TENM2: variants seen among roughly 807,000 people sequenced by gnomAD.
TENM2 encodes the protein teneurin transmembrane protein 2, also known as teneurin-2.
TENM2 carries 52 observed loss-of-function variants against 245.2 expected under a neutral mutation model. The ratio of observed to expected loss-of-function variants is 0.21; its 90% confidence interval spans 0.17 to 0.27. The LOEUF is 0.27. Among genes scored for constraint, TENM2 ranks in the 10% least tolerant of loss-of-function variants. The probability of loss-of-function intolerance (pLI) is 1.00; values close to 1 mark genes in which losing one functional copy is unlikely to be tolerated. For synonymous variants in TENM2, 1,363 were observed against 1,438.9 expected (o/e 0.95, Z 1.19); for missense variants, 3,046 against 3,666.8 (o/e 0.83, Z 4.37).
chr5:167,592,458 C>A (rs2127709330), intron 2 of TENM2, among the ~76,000 whole-genome samples: 1 of 152,270 alleles, frequency 6.6e-6, no homozygotes, highest in South Asian at 2.1e-4. Context: ...TTATAGGATG[C>A]AACTTAAGAG....
At chr5:167,316,160 C>A (rs571822620) in intron 1 of TENM2, among the ~76,000 whole-genome samples, 2 of 152,270 alleles carry the variant, frequency 1.3e-5, no homozygotes, top group African/African-American at 4.8e-5. Context: ...TTTATTTACT[C>A]ATCTATATAC....
the TENM2 span, among the ~76,000 whole-genome samples, chr5:167,042,325 A>C: frequency 1.3e-5 from 2 of 152,148 alleles, no homozygotes; most frequent in Non-Finnish European, 2.9e-5. Flanking sequence ...CTCATTTGCA[A>C]CCAAAAGGAG....
chr5:167,275,081 G>A, the TENM2 span, among the ~76,000 whole-genome samples: 3 of 151,770 alleles, frequency 2.0e-5, no homozygotes, highest in African/African-American at 7.2e-5. Flanking sequence ...CTTTTTCCCT[G>A]TGGGTGTTCA....
chr5:168,257,037 T>C (rs959362065), intron 27 of TENM2, among the ~76,000 whole-genome samples: 2 of 152,176 alleles, frequency 1.3e-5, no homozygotes, highest in Non-Finnish European at 2.9e-5. Flanking sequence ...ATTCATTCTA[T>C]AGATACTTAC....
the TENM2 span, among the ~76,000 whole-genome samples, chr5:167,010,985 C>G: frequency 6.6e-6 from 1 of 151,970 alleles, no homozygotes. Flanking sequence ...TTTATAGATG[C>G]AAAGGAAAAA....
chr5:167,228,623 T>G, the TENM2 span, among the ~76,000 whole-genome samples: 2 of 145,996 alleles, frequency 1.4e-5, no homozygotes, highest in African/African-American at 5.3e-5. Context: ...CTCTTAGAGG[T>G]GCAATATTTC....
chr5:168,091,516 G>C (rs1004416661), intron 8 of TENM2, among the ~76,000 whole-genome samples: 1 of 152,168 alleles, frequency 6.6e-6, no homozygotes, highest in Non-Finnish European at 1.5e-5. Flanking sequence ...AACAAGCAAA[G>C]AAGCTGCAGA....
At chr5:167,571,507 C>T (rs551910279) in intron 2 of TENM2, among the ~76,000 whole-genome samples, 3 of 152,046 alleles carry the variant, frequency 2.0e-5, no homozygotes, top group South Asian at 4.2e-4. Flanking sequence ...TCACCTAGCC[C>T]CCCACCCTAC....
intron 2 of TENM2, among the ~76,000 whole-genome samples, chr5:167,813,597 A>G (rs1307267826): frequency 6.6e-6 from 1 of 152,102 alleles, no homozygotes; most frequent in Non-Finnish European, 1.5e-5. Flanking sequence ...TACAAAGCAA[A>G]CATTGCATTG....
At chr5:168,124,268 GGTGTGT>G (rs1238469498) in intron 10 of TENM2, among the ~76,000 whole-genome samples, 1 of 152,112 alleles carries the variant, frequency 6.6e-6, no homozygotes, top group Non-Finnish European at 1.5e-5. Context: ...TCCTTCAGTG[GGTGTGT>G]GCTCAGAGAA....
At chr5:168,115,359 G>GGGAA (rs55973990) in intron 9 of TENM2, among the ~76,000 whole-genome samples, 8,004 of 71,486 alleles carry the variant, frequency 0.11, 565 homozygotes, top group Admixed American at 0.17. Flanking sequence ...AGGGAAGGAA[G>GGGAA]GGAAGGAAGG....
chr5:167,170,582 C>T, the TENM2 span, among the ~76,000 whole-genome samples: 620 of 152,278 alleles, frequency 4.1e-3, 5 homozygotes, highest in African/African-American at 0.014. Flanking sequence ...TTCTATATGA[C>T]ACTCTCATTG....
chr5:167,613,286 A>G (rs574144430), intron 2 of TENM2, among the ~76,000 whole-genome samples: 9 of 152,164 alleles, frequency 5.9e-5, no homozygotes, highest in Non-Finnish European at 1.2e-4. Context: ...TGGGGTTACT[A>G]TGAGGATAAT....
the TENM2 span, among the ~76,000 whole-genome samples, chr5:167,278,429 G>A: frequency 6.6e-6 from 1 of 152,034 alleles, no homozygotes; most frequent in African/African-American, 2.4e-5. Flanking sequence ...AAAAAGCATT[G>A]CTATTTTAGG....
intron 2 of TENM2, among the ~76,000 whole-genome samples, chr5:167,472,471 C>G (rs1000876707): frequency 6.6e-6 from 1 of 152,266 alleles, no homozygotes; most frequent in African/African-American, 2.4e-5. Flanking sequence ...TAATGACTGT[C>G]CTGAATGACT....
intron 2 of TENM2, among the ~76,000 whole-genome samples, chr5:167,436,309 A>G (rs1424067397): frequency 6.6e-6 from 1 of 151,556 alleles, no homozygotes; most frequent in Admixed American, 6.6e-5. Context: ...CTGGTCTCGA[A>G]CTCCTGACCT....
intron 2 of TENM2, among the ~76,000 whole-genome samples, chr5:167,398,365 CCTTTCTTTCTTCCTTTCTTTCTTT>C (rs1480782834): frequency 6.9e-6 from 1 of 143,902 alleles, no homozygotes; most frequent in African/African-American, 2.6e-5. Flanking sequence ...TTCTTTCTTT[CCTTTCTTTCTTCCTTTCTTTCTTT>C]CTTTCTTTCT....
At chr5:167,189,239 CAT>C in the TENM2 span, among the ~76,000 whole-genome samples, 2 of 152,116 alleles carry the variant, frequency 1.3e-5, no homozygotes, top group Non-Finnish European at 2.9e-5. Flanking sequence ...TAGAATCACT[CAT>C]AGTGTGAAAA....
rs145087763 is a variant in TENM2 at position 167,868,548 on chromosome 5, G to A, written c.503-7438G>A. On this transcript the variant is annotated intron_variant, in intron 2 of 28. Coordinates refer to ENST00000518659, the Ensembl canonical transcript of TENM2. ...GAGGTCAGGAGTTCTAGACCAGCCT[G>A]CAACATGGTGAAACCCCGTCTCTAC... Among the ~76,000 whole-genome samples, 42 of 151,882 alleles carry A rather than the reference G, an allele frequency of 2.8e-4. 3 individuals are homozygous for A. The highest frequency in any genetic ancestry group is 9.9e-4 in the African/African-American group (41 of 41,446).
Sources: gnomAD v4.1 joint callset for allele counts (sites outside exome capture counted in the v4.1 genomes callset) on GRCh38, gnomAD v4.1.1 for gene constraint, MANE v1.5 for transcripts, NCBI Gene and HGNC (gene_info 2026-07-23, HGNC 2026-07-21) for gene names.